ARHGEF7: variants seen among roughly 807,000 people sequenced by gnomAD.
ARHGEF7 encodes Rho guanine nucleotide exchange factor 7, also known as PAK-interacting exchange factor beta.
A neutral mutation model predicts 109.8 loss-of-function variants in ARHGEF7; 33 were observed. That is an observed-to-expected ratio of 0.30 (90% CI 0.23 to 0.40). ARHGEF7 has a LOEUF of 0.40. ARHGEF7 is among the 10% of genes least tolerant of loss of function. The pLI is 1.00. For synonymous variants in ARHGEF7, 458 were observed against 424.6 expected (o/e 1.08, Z -0.97); for missense variants, 938 against 1,098.5 (o/e 0.85, Z 2.07).
At chr13:111,287,838 G>A (rs1203082339) in intron 17 of ARHGEF7, among the ~76,000 whole-genome samples, 1 of 152,230 alleles carries the variant, frequency 6.6e-6, no homozygotes, top group Non-Finnish European at 1.5e-5. Context: ...CAAGATGATG[G>A]GCCCGGGTTT....
intron 13 of ARHGEF7, among the ~76,000 whole-genome samples, chr13:111,279,712 T>G (rs1234511754): frequency 6.6e-6 from 1 of 152,256 alleles, no homozygotes; most frequent in African/African-American, 2.4e-5. Context: ...TACCGATTTC[T>G]TCTGTTTTCA....
intron 8 of ARHGEF7, among the ~76,000 whole-genome samples, chr13:111,264,978 G>T (rs1438552574): frequency 6.6e-6 from 1 of 152,108 alleles, no homozygotes; most frequent in Non-Finnish European, 1.5e-5. Flanking sequence ...GGAAGGCCCA[G>T]CTGGGCATGG....
Position 111,258,598 on chromosome 13 carries a change from C to T in ARHGEF7, c.951-8950C>T, listed in dbSNP as rs1042374405. 1.3e-5 allele frequency among the ~76,000 whole-genome samples: 2 copies of T among 152,140 alleles called. No homozygotes were observed. Among genetic ancestry groups the T allele is most frequent in the South Asian group, 2.1e-4 (1 of 4,828 alleles). On this transcript the variant is annotated intron_variant, in intron 8 of 21. Transcript: ENST00000646102. The surrounding 1 kb of genome is among the most constrained non-coding windows in gnomAD (Gnocchi z 4.4). ...TCAGCAGTGGTACCCAGGCAGAACTCACCATGGGTCTTGCATGAGACTCAA... is the reference window on the plus strand; with the variant it reads ...TCAGCAGTGGTACCCAGGCAGAACTTACCATGGGTCTTGCATGAGACTCAA...
At chr13:111,212,780 A>G (rs1176005777) in intron 4 of ARHGEF7, among the ~76,000 whole-genome samples, 1 of 152,234 alleles carries the variant, frequency 6.6e-6, no homozygotes, top group Non-Finnish European at 1.5e-5. Flanking sequence ...TATTTTGTCA[A>G]TTCAAAGACT....
At chr13:111,251,995 C>T (rs2153560413) in intron 8 of ARHGEF7, among the ~76,000 whole-genome samples, 1 of 152,322 alleles carries the variant, frequency 6.6e-6, no homozygotes, top group Non-Finnish European at 1.5e-5. Flanking sequence ...GTGGTTGCCA[C>T]TGTAGTTGAT....
intron 2 of ARHGEF7, chr13:111,187,138 T>C: frequency 2.4e-6 from 1 of 408,226 alleles, no homozygotes; most frequent in Non-Finnish European, 3.3e-6. Flanking sequence ...GTGGTGTCCC[T>C]TAGCTCTGGG....
intron 9 of ARHGEF7, among the ~76,000 whole-genome samples, chr13:111,270,029 A>T (rs146888505): frequency 1.4e-3 from 215 of 152,310 alleles, no homozygotes; most frequent in African/African-American, 4.6e-3. Flanking sequence ...TCTTATTTGC[A>T]TCCTCACTGT....
chr13:111,226,186 G>T, intron 5 of ARHGEF7, among the ~76,000 whole-genome samples: 1 of 152,246 alleles, frequency 6.6e-6, no homozygotes, highest in East Asian at 1.9e-4. Context: ...TCAATTCTAT[G>T]AAGACTGAGA....
intron 2 of ARHGEF7, among the ~76,000 whole-genome samples, chr13:111,177,121 C>T (rs1414356360): frequency 6.6e-6 from 1 of 152,150 alleles, no homozygotes; most frequent in Non-Finnish European, 1.5e-5. Context: ...GTGACTTCAC[C>T]GAATTAACTC....
intron 1 of ARHGEF7, among the ~76,000 whole-genome samples, chr13:111,115,911 A>C (rs910932060): frequency 2.0e-5 from 2 of 101,816 alleles, no homozygotes; most frequent in Admixed American, 9.3e-5. Flanking sequence ...GGTCGGGGGG[A>C]GGGGCGGCGC....
chr13:111,221,206 G>GAT (rs1190543798), intron 5 of ARHGEF7, among the ~76,000 whole-genome samples: 1 of 51,474 alleles, frequency 1.9e-5, no homozygotes, highest in African/African-American at 8.8e-5. Flanking sequence ...TATCTATATA[G>GAT]ATATATATGT....
chr13:111,279,741 A>G (rs1595475597), intron 13 of ARHGEF7, among the ~76,000 whole-genome samples: 2 of 152,308 alleles, frequency 1.3e-5, no homozygotes, highest in African/African-American at 4.8e-5. Context: ...TGGTTTGCCA[A>G]CCATTTTGTG....
rs1224345119 is a variant in ARHGEF7 at position 111,255,396 on chromosome 13, G to A, written c.950+11102G>A. Among the ~76,000 whole-genome samples the A allele has an allele frequency of 6.6e-6, 1 of 152,236 alleles. No individual in the cohort carries two copies. Among genetic ancestry groups the A allele is most frequent in the African/African-American group, 2.4e-5 (1 of 41,458 alleles). On this transcript the variant is annotated intron_variant, in intron 8 of 21. Coordinates refer to ENST00000646102, the MANE Select transcript of ARHGEF7 (RefSeq NM_001354046.2). The surrounding 1 kb of genome is among the most constrained non-coding windows in gnomAD (Gnocchi z 4.1). ...CAGCTCTCCTGGTCACCTGCCTCAT[G>A]TTGCTTGCCCATGTCTGTCCCAGTG...
At chr13:111,183,769 G>A (rs567024448) in intron 2 of ARHGEF7, among the ~76,000 whole-genome samples, 51 of 151,882 alleles carry the variant, frequency 3.4e-4, no homozygotes, top group Non-Finnish European at 6.2e-4. Flanking sequence ...TTTGCTAATT[G>A]TACCGGTTTT....
intron 6 of ARHGEF7, among the ~76,000 whole-genome samples, chr13:111,241,551 C>G (rs983398818): frequency 1.3e-5 from 2 of 152,170 alleles, no homozygotes; most frequent in Non-Finnish European, 2.9e-5. Flanking sequence ...TTGAATTAAC[C>G]AACTTAACTA....
chr13:111,288,545 A>G (rs2093125545), intron 18 of ARHGEF7, 102 bp downstream of exon 18: 2 of 783,914 alleles, frequency 2.6e-6, no homozygotes. Flanking sequence ...TGCACAGCCC[A>G]TGCGCCTGAC....
intron 2 of ARHGEF7, among the ~76,000 whole-genome samples, chr13:111,177,010 G>A (rs1216990170): frequency 1.3e-5 from 2 of 152,252 alleles, no homozygotes; most frequent in Non-Finnish European, 1.5e-5. Flanking sequence ...ACCCGCCTTG[G>A]CCTCCCAGAG....
chr13:111,232,520 G>A (rs1353018831), intron 5 of ARHGEF7, among the ~76,000 whole-genome samples: 3 of 152,148 alleles, frequency 2.0e-5, no homozygotes, highest in Non-Finnish European at 2.9e-5. Flanking sequence ...GTGTTTCTTC[G>A]GCAGGTGTTT....
intron 19 of ARHGEF7, among the ~76,000 whole-genome samples, chr13:111,298,396 T>C (rs1186328902): frequency 6.6e-6 from 1 of 152,146 alleles, no homozygotes; most frequent in African/African-American, 2.4e-5. Context: ...AGCAGTATCT[T>C]CCCGTGTGGC....
Sources: allele counts gnomAD v4.1 joint callset (sites outside exome capture counted in the v4.1 genomes callset), GRCh38; gene constraint gnomAD v4.1.1; non-coding constraint Gnocchi (gnomAD v3.1); transcripts MANE v1.5; gene names NCBI Gene and HGNC (gene_info 2026-07-23, HGNC 2026-07-21).